The following SLC4A5 variants were observed in gnomAD, a reference collection of about 807,000 sequenced individuals.
The protein encoded by SLC4A5 is solute carrier family 4 member 5, also known as electrogenic sodium bicarbonate cotransporter 4.
In SLC4A5, 96 loss-of-function variants were observed where a neutral mutation model predicts 120.4. The observed-to-expected ratio is 0.80, with a 90% CI of 0.68 to 0.94. The LOEUF is 0.94. Ranked by LOEUF, SLC4A5 falls within the 40% of genes least tolerant of loss-of-function variation. The pLI is 0.00. For missense variants in SLC4A5, 1,259 were observed against 1,459.5 expected, an observed-to-expected ratio of 0.86 and a Z score of 2.24; for synonymous variants, 550 against 571.1, an observed-to-expected ratio of 0.96 and a Z score of 0.53.
At chr2:74,316,466 A>C (rs1463026696) in intron 5 of SLC4A5, among the ~76,000 whole-genome samples, 1 of 152,106 alleles carries the variant, frequency 6.6e-6, no homozygotes, top group Non-Finnish European at 1.5e-5. Flanking sequence ...ACAGGATAGG[A>C]GGTCAGACAC....
At chr2:74,307,817 T>TG (rs70965795) in intron 6 of SLC4A5, 495,668 of 495,674 alleles carry the variant, frequency 1, 247,831 homozygotes, top group Middle Eastern at 1. Context: ...GCCATCCCCA[T>TG]GCCAGGCCCC....
In SLC4A5 at chr2:74,331,187, G is replaced by A. The variant is rs991935290; in HGVS notation, c.-70+2840C>T. On this transcript the variant is annotated intron_variant, in intron 4 of 30. Transcript: ENST00000394019. ...TAAATGGAGGTAGTGAGGTCTAGAT[G>A]GAGGTGTGTGGTTTAGGTGTGGGTG... 4.0e-5 allele frequency among the ~76,000 whole-genome samples: 6 copies of A among 151,070 alleles called. No individual in the cohort carries two copies. The South Asian group carries it at 1.0e-3, about 26-fold the overall frequency.
At chr2:74,290,551 T>C (rs1573067562) in intron 7 of SLC4A5, 3 of 983,672 alleles carry the variant, frequency 3.0e-6, no homozygotes, top group African/African-American at 1.8e-5. Flanking sequence ...CAAAAGTGTT[T>C]GAGAGAGAAA....
intron 5 of SLC4A5, among the ~76,000 whole-genome samples, chr2:74,322,942 TAAGAG>T (rs1385813791): frequency 3.3e-5 from 5 of 152,140 alleles, no homozygotes; most frequent in Non-Finnish European, 5.9e-5. Flanking sequence ...GCAAGTTAAA[TAAGAG>T]AAGATAATGG....
chr2:74,219,369 ATTC>A (rs1162319290), intron 30 of SLC4A5, among the ~76,000 whole-genome samples: 3 of 152,124 alleles, frequency 2.0e-5, no homozygotes, highest in African/African-American at 7.2e-5. Flanking sequence ...GTACTCCGAT[ATTC>A]TTGCACAGGG....
At chr2:74,293,807 C>A (rs1337295406) in intron 7 of SLC4A5, among the ~76,000 whole-genome samples, 1 of 152,242 alleles carries the variant, frequency 6.6e-6, no homozygotes, top group Non-Finnish European at 1.5e-5. Flanking sequence ...CCTTCTTAAT[C>A]ATGAGTCCCC....
intron 10 of SLC4A5, 39 bp downstream of exon 10, chr2:74,264,108 C>G: frequency 1.3e-6 from 2 of 1,599,746 alleles, no homozygotes; most frequent in Admixed American, 1.7e-5. Flanking sequence ...GATACTGGCC[C>G]TGCATGTCCC....
intron 18 of SLC4A5, among the ~76,000 whole-genome samples, chr2:74,248,133 G>A (rs542441638): frequency 6.6e-6 from 1 of 152,270 alleles, no homozygotes; most frequent in East Asian, 1.9e-4. Context: ...CTCTTGTCGT[G>A]GCTGGTCCCT....
chr2:74,258,630 A>C (rs2104019105), intron 12 of SLC4A5, among the ~76,000 whole-genome samples: 1 of 152,344 alleles, frequency 6.6e-6, no homozygotes, highest in East Asian at 1.9e-4. Flanking sequence ...TCAGCTGTAT[A>C]GACTTTGGTG....
At chr2:74,309,237 T>A (rs1021280383) in intron 6 of SLC4A5, among the ~76,000 whole-genome samples, 3 of 151,430 alleles carry the variant, frequency 2.0e-5, no homozygotes, top group African/African-American at 7.3e-5. Context: ...TTTTTTTTTT[T>A]AAACATATGA....
intron 7 of SLC4A5, among the ~76,000 whole-genome samples, chr2:74,303,478 G>C (rs1008396465): frequency 6.6e-6 from 1 of 152,158 alleles, no homozygotes; most frequent in African/African-American, 2.4e-5. Flanking sequence ...GCAGGTTTGG[G>C]ATATGCTGAG....
chr2:74,244,057 AC>A (rs1215261805), intron 19 of SLC4A5, among the ~76,000 whole-genome samples: 8 of 152,216 alleles, frequency 5.3e-5, no homozygotes, highest in Admixed American at 4.6e-4. Context: ...TGGGCCCATT[AC>A]TAAGTAGGTG....
At chr2:74,264,337 A>G (rs1178424400) in intron 9 of SLC4A5, 38 bp from the exon 10 acceptor site, 23 of 1,594,558 alleles carry the variant, frequency 1.4e-5, no homozygotes, top group African/African-American at 2.7e-5. Flanking sequence ...CCTGTGGGAC[A>G]GAACAGCTCC....
intron 20 of SLC4A5, among the ~76,000 whole-genome samples, chr2:74,241,603 G>A (rs1447890786): frequency 1.3e-4 from 20 of 151,794 alleles, no homozygotes; most frequent in Non-Finnish European, 2.6e-4. Context: ...TTAGCTGGGC[G>A]TGATGGTGCG....
At chr2:74,283,255 G>A (rs1185602136) in intron 8 of SLC4A5, among the ~76,000 whole-genome samples, 2 of 152,168 alleles carry the variant, frequency 1.3e-5, no homozygotes, top group African/African-American at 4.8e-5. Context: ...GACCCCTGGT[G>A]AGCTACTTGC....
At chr2:74,336,596 C>A (rs1673497210) in intron 3 of SLC4A5, among the ~76,000 whole-genome samples, 1 of 152,152 alleles carries the variant, frequency 6.6e-6, no homozygotes, top group Non-Finnish European at 1.5e-5. Flanking sequence ...CTACTATTAT[C>A]CTCATTTACA....
chr2:74,270,258 A>C (rs558541652), intron 8 of SLC4A5, among the ~76,000 whole-genome samples: 3 of 152,360 alleles, frequency 2.0e-5, no homozygotes, highest in African/African-American at 7.2e-5. Flanking sequence ...CAATGGCTAC[A>C]GCTAGAAATT....
exon 31 of SLC4A5, chr2:74,218,586 G>A (rs988216960): frequency 6.6e-6 from 1 of 152,592 alleles, no homozygotes; most frequent in Non-Finnish European, 1.5e-5. Context: ...TGAAGACTAA[G>A]CCAGGCTCTC....
intron 28 of SLC4A5, among the ~76,000 whole-genome samples, chr2:74,224,622 G>A (rs1694777414): frequency 6.6e-6 from 1 of 152,074 alleles, no homozygotes; most frequent in South Asian, 2.1e-4. Flanking sequence ...CCCTGGACAG[G>A]GAGTCTCATT....
Sources: gnomAD v4.1 joint callset for allele counts (sites outside exome capture counted in the v4.1 genomes callset) on GRCh38, gnomAD v4.1.1 for gene constraint, MANE v1.5 for transcripts, NCBI Gene and HGNC (gene_info 2026-07-23, HGNC 2026-07-21) for gene names.